The following PLCB1 variants were observed in gnomAD, a reference collection of about 807,000 sequenced individuals.
The protein encoded by PLCB1 is phospholipase C beta 1, also known as 1-phosphatidylinositol 4,5-bisphosphate phosphodiesterase beta-1.
In PLCB1, 46 loss-of-function variants were observed where a neutral mutation model predicts 161.8. The ratio of observed to expected loss-of-function variants is 0.28; its 90% CI spans 0.22 to 0.36. PLCB1 has a LOEUF of 0.36. Among genes scored for constraint, PLCB1 ranks in the 10% least tolerant of loss-of-function variants. The probability of loss-of-function intolerance (pLI) is 1.00; values close to 1 mark genes in which losing one functional copy is unlikely to be tolerated. For missense variants in PLCB1, 1,016 were observed against 1,472.5 expected (o/e 0.69, Z 5.07); for synonymous variants, 517 against 503.7 (o/e 1.03, Z -0.35).
At chr20:8,212,429 A>G (rs1489451522) in intron 2 of PLCB1, among the ~76,000 whole-genome samples, 1 of 152,070 alleles carries the variant, frequency 6.6e-6, no homozygotes, top group Non-Finnish European at 1.5e-5. Flanking sequence ...CGGTGGGTGA[A>G]AAGAGCCCTG....
chr20:8,520,618 A>G (rs970015776), intron 3 of PLCB1, among the ~76,000 whole-genome samples: 2 of 152,194 alleles, frequency 1.3e-5, no homozygotes, highest in Non-Finnish European at 2.9e-5. Context: ...CCAGATCAAG[A>G]TATGGAATGT....
At chr20:8,543,444 G>A (rs73593792) in intron 3 of PLCB1, among the ~76,000 whole-genome samples, 8 of 152,146 alleles carry the variant, frequency 5.3e-5, no homozygotes, top group African/African-American at 1.9e-4. Flanking sequence ...ATCAGTGGCG[G>A]CCTGGCAACA....
intron 31 of PLCB1, chr20:8,791,948 G>C (rs1207255119): frequency 6.6e-6 from 1 of 152,110 alleles, no homozygotes; most frequent in Non-Finnish European, 1.5e-5. Context: ...ATTAAAACTG[G>C]CTTCAACAGT....
intron 7 of PLCB1, among the ~76,000 whole-genome samples, chr20:8,654,585 G>T (rs1178684963): frequency 6.6e-6 from 1 of 151,870 alleles, no homozygotes; most frequent in Non-Finnish European, 1.5e-5. Flanking sequence ...CTGTGAAATG[G>T]ATGCAATGAT....
intron 3 of PLCB1, among the ~76,000 whole-genome samples, chr20:8,452,160 C>T (rs1877623544): frequency 6.6e-6 from 1 of 152,234 alleles, no homozygotes; most frequent in South Asian, 2.1e-4. Flanking sequence ...ATTCCATTTT[C>T]ATTTTTAATT....
intron 31 of PLCB1, among the ~76,000 whole-genome samples, chr20:8,825,249 T>C (rs1233688362): frequency 6.6e-6 from 1 of 152,178 alleles, no homozygotes; most frequent in African/African-American, 2.4e-5. Flanking sequence ...ATTGTCTAGC[T>C]ACAAACCCAG....
At chr20:8,214,420 A>G (rs900829869) in intron 2 of PLCB1, among the ~76,000 whole-genome samples, 3 of 152,052 alleles carry the variant, frequency 2.0e-5, no homozygotes, top group Non-Finnish European at 2.9e-5. Context: ...TGCTCCCACC[A>G]TGCGAGACCC....
intron 27 of PLCB1, among the ~76,000 whole-genome samples, chr20:8,782,045 GA>G (rs540717824): frequency 1.3e-5 from 2 of 151,556 alleles, no homozygotes; most frequent in Non-Finnish European, 2.9e-5. Flanking sequence ...GCTCAGCAAG[GA>G]AAAAAAATTT....
intron 2 of PLCB1, among the ~76,000 whole-genome samples, chr20:8,166,944 A>T (rs2051681862): frequency 6.6e-6 from 1 of 152,160 alleles, no homozygotes; most frequent in Non-Finnish European, 1.5e-5. Context: ...TTACATAGTT[A>T]TGTAATATCT....
rs754446491 is a variant in PLCB1 at position 8,717,807 on chromosome 20, G to A, written c.1472G>A (p.Ser491Asn). Residue 491 changes from serine to asparagine, a missense_variant, in exon 14 of 32, where the codon AGT becomes AAT. Physicochemically the swap from Ser to Asn is conservative, Grantham distance 46. Coordinates refer to ENST00000338037, the MANE Select transcript of PLCB1 (RefSeq NM_015192.4). ...KLSEQASNTY[S>N]DSSSMFEPSS... is the part of the protein sequence containing the mutation. ...TCAGAACAAGCCTCCAACACCTACA[G>A]TGACTCCTCCAGCATGTTCGAGCCC... The A allele has an allele frequency of 6.2e-7, 1 of 1,613,826 alleles. No homozygotes were observed. Among genetic ancestry groups the A allele is most frequent in the Non-Finnish European group, 8.5e-7 (1 of 1,179,892 alleles).
chr20:8,536,353 T>A (rs1242568723), intron 3 of PLCB1, among the ~76,000 whole-genome samples: 6 of 152,350 alleles, frequency 3.9e-5, no homozygotes, highest in Admixed American at 3.3e-4. Context: ...CTTCTCATGC[T>A]GATCTTTCCG....
chr20:8,610,350 C>T (rs994151430), intron 3 of PLCB1, among the ~76,000 whole-genome samples: 1 of 152,150 alleles, frequency 6.6e-6, no homozygotes, highest in African/African-American at 2.4e-5. Flanking sequence ...TACTCAATTG[C>T]ATGTATATAC....
intron 4 of PLCB1, among the ~76,000 whole-genome samples, chr20:8,643,331 A>G (rs2123270760): frequency 6.6e-6 from 1 of 152,284 alleles, no homozygotes; most frequent in East Asian, 1.9e-4. Flanking sequence ...TCCTCTGACC[A>G]CAACTCTAGT....
intron 31 of PLCB1, among the ~76,000 whole-genome samples, chr20:8,822,301 C>T (rs1405074746): frequency 6.6e-6 from 1 of 152,144 alleles, no homozygotes; most frequent in Non-Finnish European, 1.5e-5. Flanking sequence ...TTTAAATATT[C>T]ATCCAAAAGA....
At chr20:8,381,200 T>A (rs939712130) in intron 3 of PLCB1, among the ~76,000 whole-genome samples, 1 of 152,262 alleles carries the variant, frequency 6.6e-6, no homozygotes, top group African/African-American at 2.4e-5. Flanking sequence ...ATTGAGATAA[T>A]CACATGGTTT....
chr20:8,673,113 A>T (rs1022785098), intron 9 of PLCB1, among the ~76,000 whole-genome samples: 6 of 146,786 alleles, frequency 4.1e-5, no homozygotes, highest in Non-Finnish European at 6.0e-5. Context: ...GTCCATCCCA[A>T]AAATAAATAA....
intron 2 of PLCB1, among the ~76,000 whole-genome samples, chr20:8,218,426 G>A (rs1979242271): frequency 6.6e-6 from 1 of 152,072 alleles, no homozygotes; most frequent in Non-Finnish European, 1.5e-5. Context: ...ACACAGAAAA[G>A]CGTTGATTCT....
rs536707769 is a variant in PLCB1 at position 8,867,363 on chromosome 20, T to C, written c.3424-14259T>C. Among the ~76,000 whole-genome samples, 3 of 152,328 alleles carry C rather than the reference T, an allele frequency of 2.0e-5. No homozygotes were observed. The South Asian group carries it at 6.2e-4, about 32-fold the overall frequency. On this transcript the variant is annotated intron_variant, in intron 31 of 31. Transcript: ENST00000338037. ...GGGACTCCAGGTTCTCTGAGATGGT[T>C]GCTTGCACCGTCTGCACTATTGACC...
At chr20:8,268,238 T>G (rs1568611570) in intron 2 of PLCB1, among the ~76,000 whole-genome samples, 1 of 152,076 alleles carries the variant, frequency 6.6e-6, no homozygotes, top group Non-Finnish European at 1.5e-5. Flanking sequence ...GTCCTTGTGA[T>G]AGTTTGCTGA....
Sources: allele counts gnomAD v4.1 joint callset (sites outside exome capture counted in the v4.1 genomes callset), GRCh38; gene constraint gnomAD v4.1.1; transcripts MANE v1.5; gene names NCBI Gene and HGNC (gene_info 2026-07-23, HGNC 2026-07-21).